The following ACTL6A variants were observed in gnomAD, a reference collection of about 807,000 sequenced individuals.
The protein encoded by ACTL6A is actin-like protein 6A.
In ACTL6A, 5 loss-of-function variants were observed where a neutral mutation model predicts 59.2. The observed-to-expected ratio is 0.08, with a 90% CI of 0.04 to 0.18. ACTL6A has a LOEUF of 0.18. Ranked by LOEUF, ACTL6A falls within the 10% of genes least tolerant of loss-of-function variation. ACTL6A has a pLI of 1.00. For missense variants in ACTL6A, 285 were observed against 526.9 expected, an observed-to-expected ratio of 0.54 and a Z score of 4.49; for synonymous variants, 154 against 171.8, an observed-to-expected ratio of 0.90 and a Z score of 0.81.
intron 8 of ACTL6A, among the ~76,000 whole-genome samples, chr3:179,577,810 C>G (rs1718214071): frequency 6.6e-6 from 1 of 150,782 alleles, no homozygotes; most frequent in African/African-American, 2.4e-5. Context: ...AGGACATGAT[C>G]TCATTCTTTT....
chr3:179,573,338 T>C, intron 3 of ACTL6A, 31 bp from the exon 4 acceptor site: 1 of 1,423,996 alleles, frequency 7.0e-7, no homozygotes, highest in Non-Finnish European at 9.6e-7. Flanking sequence ...CAACTATGCA[T>C]TATTTCCAAG....
intron 1 of ACTL6A, 174 bp downstream of exon 1, chr3:179,563,291 TCG>T: frequency 9.0e-7 from 1 of 1,109,724 alleles, no homozygotes; most frequent in East Asian, 2.7e-5. Flanking sequence ...CCCACCCGGC[TCG>T]CCGTGCTCCT....
intron 5 of ACTL6A, among the ~76,000 whole-genome samples, chr3:179,575,878 A>G (rs914667899): frequency 6.6e-6 from 1 of 152,352 alleles, no homozygotes; most frequent in African/African-American, 2.4e-5. Flanking sequence ...ATTTTGTTAA[A>G]TAAATGCATC....
At chr3:179,587,797 G>C in intron 13 of ACTL6A, 133 bp from the exon 14 acceptor site, 1 of 643,262 alleles carries the variant, frequency 1.6e-6, no homozygotes, top group Non-Finnish European at 2.6e-6. Context: ...GTTCGAGGTT[G>C]TAAGCTACAA....
At chr3:179,584,700 G>C (rs929692193) in intron 12 of ACTL6A, among the ~76,000 whole-genome samples, 1 of 151,874 alleles carries the variant, frequency 6.6e-6, no homozygotes, top group Non-Finnish European at 1.5e-5. Flanking sequence ...CAGCAGAATC[G>C]CTTGAACCCA....
chr3:179,571,226 AGCCTGG>A (rs1000159501), intron 3 of ACTL6A, among the ~76,000 whole-genome samples: 4 of 152,112 alleles, frequency 2.6e-5, no homozygotes, highest in African/African-American at 9.7e-5. Flanking sequence ...GTTTGAGACC[AGCCTGG>A]GCAACATGGC....
rs142687614 is a variant in ACTL6A at position 179,574,334 on chromosome 3, TTAA to T, written c.379-32_379-30del. The T allele has an allele frequency of 2.2e-3, 3,019 of 1,371,506 alleles. 80 individuals carry two copies. The Admixed American group carries it at 0.044, about 20-fold the overall frequency. The allele number at this position is 1,371,506 out of a possible 1,614,324, so 85.0% of individuals were successfully genotyped here. ...TGGAGATAAATCAACTTTTTAATTC[TTAA>T]TAACTTGCATTTCTTTTTCCCCTCT... On this transcript the variant is annotated intron_variant, in intron 4 of 13. Transcript: ENST00000429709.
intron 9 of ACTL6A, 89 bp downstream of exon 9, chr3:179,580,790 C>A: frequency 1.5e-6 from 2 of 1,340,476 alleles, no homozygotes; most frequent in Non-Finnish European, 2.1e-6. Context: ...AAAATATTCT[C>A]ACTCCCTTTT....
At chr3:179,564,507 C>T (rs969478647) in intron 1 of ACTL6A, among the ~76,000 whole-genome samples, 2 of 152,174 alleles carry the variant, frequency 1.3e-5, no homozygotes, top group Non-Finnish European at 2.9e-5. Flanking sequence ...TTCTATTAAG[C>T]CTCCTGCCTC....
intron 12 of ACTL6A, among the ~76,000 whole-genome samples, chr3:179,585,609 T>TTCTACCCACCCATATCCCATAC (rs778948405): frequency 6.6e-6 from 1 of 152,156 alleles, no homozygotes; most frequent in African/African-American, 2.4e-5. Flanking sequence ...CCCCAGTACC[T>TTCTACCCACCCATATCCCATAC]TCTACCCACC....
At chr3:179,563,224 C>G in intron 1 of ACTL6A, 107 bp downstream of exon 1, 1 of 1,485,218 alleles carries the variant, frequency 6.7e-7, no homozygotes, top group Non-Finnish European at 9.0e-7. Flanking sequence ...GTCTCCCCCT[C>G]TCGGGACCCC....
At chr3:179,565,265 T>C (rs553377009) in intron 1 of ACTL6A, among the ~76,000 whole-genome samples, 50 of 151,744 alleles carry the variant, frequency 3.3e-4, no homozygotes, top group East Asian at 2.7e-3. Context: ...GACAAAACCC[T>C]GTCTCTACTA....
At chr3:179,567,864 T>C (rs1717883231) in intron 1 of ACTL6A, among the ~76,000 whole-genome samples, 1 of 152,144 alleles carries the variant, frequency 6.6e-6, no homozygotes, top group Non-Finnish European at 1.5e-5. Flanking sequence ...TTAAAATATG[T>C]CTCTGTTTTA....
At chr3:179,575,727 G>T (rs113654078) in intron 5 of ACTL6A, among the ~76,000 whole-genome samples, 1 of 152,170 alleles carries the variant, frequency 6.6e-6, no homozygotes, top group Non-Finnish European at 1.5e-5. Flanking sequence ...TAGTTTTCCC[G>T]CTCATTGAGT....
In ACTL6A at chr3:179,570,131, T is replaced by A. The variant is rs760441154; in HGVS notation, c.167T>A (p.Ile56Lys). 1.2e-6 allele frequency: 2 copies of A among 1,614,036 alleles called. No homozygotes were observed. Among genetic ancestry groups the A allele is most frequent in the Non-Finnish European group, 1.7e-6 (2 of 1,180,014 alleles). ...GATGACGGAAGCACATTAATGGAAATAGATGGCGATAAAGGCAAACAAGGC... is the reference window on the plus strand; with the variant it reads ...GATGACGGAAGCACATTAATGGAAAAAGATGGCGATAAAGGCAAACAAGGC... ...ERDDGSTLME[I>K]DGDKGKQGGP... Residue 56 changes from isoleucine (I) to lysine (K), a missense_variant, in exon 3 of 14, where the codon ATA becomes AAA. Transcript: ENST00000429709. The surrounding 1 kb of genome is among the most constrained non-coding windows in gnomAD (Gnocchi z 4.3).
intron 1 of ACTL6A, among the ~76,000 whole-genome samples, chr3:179,568,563 G>GTGTATATA (rs1717909961): frequency 6.6e-6 from 1 of 150,964 alleles, no homozygotes; most frequent in African/African-American, 2.4e-5. Context: ...GTGTGTATAT[G>GTGTATATA]TGTATATATG....
rs753656468 is a variant in ACTL6A, at chr3:179,587,990, G to A, written c.1270G>A (p.Val424Ile). The A allele has an allele frequency of 6.9e-6, 11 of 1,603,672 alleles. No individual in the cohort carries two copies. The highest frequency in any genetic ancestry group is 9.3e-6 in the Non-Finnish European group (11 of 1,177,234). The change falls in exon 14 of 14, where the codon GTA becomes ATA. Residue 424 changes from valine (V) to isoleucine (I), a missense_variant. By Grantham distance (29) the Val-to-Ile change is conservative. Transcript: ENST00000429709. ...ATATGAAGAAGGAGGGAAGCAGTGT[G>A]TAGAAAGAAAATGCCCTTGAGAAAG... The part of the protein sequence containing the change: ...QEYEEGGKQC[V>I]ERKCP
intron 3 of ACTL6A, among the ~76,000 whole-genome samples, chr3:179,572,750 A>G (rs1718048520): frequency 6.6e-6 from 1 of 152,156 alleles, no homozygotes; most frequent in Non-Finnish European, 1.5e-5. Context: ...GGTTGCAGTG[A>G]GCTGAGATTG....
At position 179,574,359 on chromosome 3, in the gene ACTL6A, C is replaced by G. The variant is rs1718104069; in HGVS notation, c.379-11C>G. On this transcript the variant is annotated splice_polypyrimidine_tract_variant and intron_variant, in intron 4 of 13. Transcript: ENST00000429709. The stretch of plus-strand genomic sequence containing the variant: ...TTAATAACTTGCATTTCTTTTTCCC[C>G]TCTTCTCAAGTGGAATACTAGAGCA... The G allele has an allele frequency of 6.4e-7, 1 of 1,563,042 alleles. No individual in the cohort carries two copies. Among genetic ancestry groups the G allele is most frequent in the Non-Finnish European group, 8.8e-7 (1 of 1,135,796 alleles).
Sources: allele counts gnomAD v4.1 joint callset (sites outside exome capture counted in the v4.1 genomes callset), GRCh38; gene constraint gnomAD v4.1.1; non-coding constraint Gnocchi (gnomAD v3.1); transcripts MANE v1.5; gene names NCBI Gene and HGNC (gene_info 2026-07-23, HGNC 2026-07-21).